AUTS2: variants seen among roughly 807,000 people sequenced by gnomAD.
AUTS2 encodes activator of transcription and developmental regulator AUTS2.
In AUTS2, 17 loss-of-function variants were observed where a neutral mutation model predicts 112.4. The ratio of observed to expected loss-of-function variants is 0.15; its 90% CI spans 0.10 to 0.23. The LOEUF (loss-of-function observed/expected upper bound fraction) is 0.23. Ranked by LOEUF, AUTS2 falls within the 10% of genes least tolerant of loss-of-function variation. The pLI, the probability that AUTS2 is intolerant of heterozygous loss-of-function variation, is 1.00. For synonymous variants in AUTS2, 751 were observed against 702.7 expected (o/e 1.07, Z -1.09); for missense variants, 1,510 against 1,701.6 (o/e 0.89, Z 1.98).
intron 1 of AUTS2, among the ~76,000 whole-genome samples, chr7:69,855,840 C>T (rs1238230340): frequency 6.6e-6 from 1 of 152,154 alleles, no homozygotes; most frequent in African/African-American, 2.4e-5. Context: ...AGGCTTCCAC[C>T]CTCTGCCTCT....
At chr7:70,129,338 C>T (rs1458225845) in intron 3 of AUTS2, among the ~76,000 whole-genome samples, 2 of 152,206 alleles carry the variant, frequency 1.3e-5, no homozygotes, top group African/African-American at 4.8e-5. Context: ...TTGTTCTTTT[C>T]AGACCTTCAA....
intron 5 of AUTS2, among the ~76,000 whole-genome samples, chr7:70,653,458 T>G (rs557569713): frequency 1.8e-4 from 28 of 152,272 alleles, no homozygotes; most frequent in African/African-American, 6.7e-4. Flanking sequence ...CCCCAAGTGG[T>G]TTGCCACCAT....
At chr7:70,435,006 C>T (rs1367808706) in intron 4 of AUTS2, among the ~76,000 whole-genome samples, 1 of 152,090 alleles carries the variant, frequency 6.6e-6, no homozygotes, top group East Asian at 1.9e-4. Context: ...TATTAATTAT[C>T]ACTCTCTGCT....
intron 2 of AUTS2, among the ~76,000 whole-genome samples, chr7:69,904,590 G>T (rs1452282245): frequency 6.6e-6 from 1 of 152,128 alleles, no homozygotes; most frequent in Non-Finnish European, 1.5e-5. Flanking sequence ...ATAATATTTA[G>T]ATGTCTGCTG....
chr7:70,148,498 T>C (rs1052931182), intron 4 of AUTS2, among the ~76,000 whole-genome samples: 2 of 152,138 alleles, frequency 1.3e-5, no homozygotes, highest in Non-Finnish European at 2.9e-5. Context: ...ATTTCTTGAC[T>C]GAAAGAAGTT....
intron 2 of AUTS2, among the ~76,000 whole-genome samples, chr7:70,070,110 T>C (rs1802684033): frequency 6.6e-6 from 1 of 152,110 alleles, no homozygotes; most frequent in African/African-American, 2.4e-5. Flanking sequence ...GCAGCAATTT[T>C]AGTTAGGTTT....
At position 70,123,645 on chromosome 7, in the gene AUTS2, C is replaced by T. The variant is rs148559089; in HGVS notation, c.624+5412C>T. On this transcript the variant is annotated intron_variant, in intron 3 of 18. Coordinates refer to ENST00000342771, the MANE Select transcript of AUTS2 (RefSeq NM_015570.4). ...ATTAGTTTGCTGAAGATAGTAGCCTCCAGCACTATCTATGTTCCTGCAAAA... is the reference window on the plus strand; with the variant it reads ...ATTAGTTTGCTGAAGATAGTAGCCTTCAGCACTATCTATGTTCCTGCAAAA... Among the ~76,000 whole-genome samples, 19 of 152,290 alleles carry T rather than the reference C, an allele frequency of 1.2e-4. No individual in the cohort carries two copies. The East Asian group carries it at 3.7e-3, about 29-fold the overall frequency.
chr7:70,142,878 G>A (rs1370705202), intron 4 of AUTS2, among the ~76,000 whole-genome samples: 2 of 151,984 alleles, frequency 1.3e-5, no homozygotes, highest in Non-Finnish European at 2.9e-5. Flanking sequence ...TGCATTTGTT[G>A]ATACAAGCTA....
rs1464212969 is a variant in AUTS2 at position 70,592,191 on chromosome 7, CAAAG to C, written c.691-106373_691-106370del. On this transcript the variant is annotated intron_variant, in intron 5 of 18. Coordinates refer to ENST00000342771, the MANE Select transcript of AUTS2 (RefSeq NM_015570.4). Reference sequence around the variant, plus strand: ...TGTATGTTTTTTCAGTATGACACATCAAAGAAAGGGCAGAATCTTCTTTCTTCTC... The same window carrying C: ...TGTATGTTTTTTCAGTATGACACATCAAAGGGCAGAATCTTCTTTCTTCTC... 2.0e-5 allele frequency among the ~76,000 whole-genome samples: 3 copies of C among 152,052 alleles called. No homozygotes were observed. In the East Asian group the frequency reaches 5.8e-4, roughly 29 times the overall value.
chr7:70,111,589 C>T (rs1015687493), intron 2 of AUTS2, among the ~76,000 whole-genome samples: 3 of 152,066 alleles, frequency 2.0e-5, no homozygotes, highest in Non-Finnish European at 4.4e-5. Context: ...CCTGTTAGAA[C>T]TTGGTGGGCT....
chr7:70,430,916 A>T (rs970752064), intron 4 of AUTS2, among the ~76,000 whole-genome samples: 2 of 145,962 alleles, frequency 1.4e-5, no homozygotes, highest in East Asian at 4.0e-4. Context: ...GCTCACTGCA[A>T]GCTCCGCCTC....
At chr7:69,809,325 GCCTTGGCCT>G (rs1790445375) in intron 1 of AUTS2, among the ~76,000 whole-genome samples, 2 of 151,998 alleles carry the variant, frequency 1.3e-5, no homozygotes, top group African/African-American at 4.8e-5. Context: ...TGATCTGCCC[GCCTTGGCCT>G]CCCAAAGTGC....
At chr7:69,720,973 A>T (rs1798900187) in intron 1 of AUTS2, among the ~76,000 whole-genome samples, 1 of 152,230 alleles carries the variant, frequency 6.6e-6, no homozygotes, top group African/African-American at 2.4e-5. Flanking sequence ...AGAAGCTAAG[A>T]AAAGACTTAC....
chr7:69,746,191 T>G (rs1787490930), intron 1 of AUTS2, among the ~76,000 whole-genome samples: 1 of 152,174 alleles, frequency 6.6e-6, no homozygotes, highest in African/African-American at 2.4e-5. Context: ...CAACATTTTT[T>G]ATGACATTTG....
chr7:70,033,039 G>GA (rs1342454318), intron 2 of AUTS2, among the ~76,000 whole-genome samples: 3 of 152,196 alleles, frequency 2.0e-5, no homozygotes, highest in Non-Finnish European at 4.4e-5. Context: ...GGTGAAACAT[G>GA]AGAGGGATAG....
intron 2 of AUTS2, among the ~76,000 whole-genome samples, chr7:69,954,601 A>G (rs1797147371): frequency 6.6e-6 from 1 of 152,154 alleles, no homozygotes; most frequent in Non-Finnish European, 1.5e-5. Flanking sequence ...TGTTCTCAAA[A>G]CCATTTTGTA....
At chr7:70,377,325 A>ATAT (rs1793136070) in intron 4 of AUTS2, among the ~76,000 whole-genome samples, 2 of 52,086 alleles carry the variant, frequency 3.8e-5, no homozygotes, top group Admixed American at 2.5e-4. Context: ...AACAAATATA[A>ATAT]ATATATATAT....
intron 5 of AUTS2, among the ~76,000 whole-genome samples, chr7:70,641,684 T>C (rs1805839652): frequency 6.6e-6 from 1 of 152,202 alleles, no homozygotes; most frequent in Non-Finnish European, 1.5e-5. Context: ...GCCCTTAGTT[T>C]TCCCCACTAT....
intron 1 of AUTS2, among the ~76,000 whole-genome samples, chr7:69,883,417 G>A (rs748972299): frequency 4.0e-5 from 6 of 151,772 alleles, no homozygotes; most frequent in Non-Finnish European, 7.4e-5. Flanking sequence ...TGATTGCTCT[G>A]TGTAAATCAG....
Sources: gnomAD v4.1 joint callset for allele counts (sites outside exome capture counted in the v4.1 genomes callset) on GRCh38, gnomAD v4.1.1 for gene constraint, MANE v1.5 for transcripts, NCBI Gene and HGNC (gene_info 2026-07-23, HGNC 2026-07-21) for gene names.